Variants in SLC44A1 observed in about 807,000 individuals in gnomAD.
The protein encoded by SLC44A1 is choline transporter-like protein 1.
A neutral mutation model predicts 79.3 loss-of-function variants in SLC44A1; 26 were observed. The ratio of observed to expected loss-of-function variants is 0.33; its 90% CI spans 0.24 to 0.46. SLC44A1 has a LOEUF of 0.46. Ranked by LOEUF, SLC44A1 falls within the 20% of genes least tolerant of loss-of-function variation. SLC44A1 has a pLI of 1.00. For missense variants in SLC44A1, 688 were observed against 798.1 expected (o/e 0.86, Z 1.66); for synonymous variants, 263 against 286.2 (o/e 0.92, Z 0.82).
chr9:105,247,577 A>G (rs1737866842), intron 1 of SLC44A1, among the ~76,000 whole-genome samples: 1 of 152,218 alleles, frequency 6.6e-6, no homozygotes, highest in Non-Finnish European at 1.5e-5. Context: ...TATTACAGAC[A>G]TGAGCCACCG....
At chr9:105,412,189 TTTAA>T (rs1396241856) in intron 15 of SLC44A1, among the ~76,000 whole-genome samples, 10 of 152,246 alleles carry the variant, frequency 6.6e-5, no homozygotes, top group African/African-American at 9.6e-5. Flanking sequence ...TAAATAACGT[TTTAA>T]TTAGTCATCA....
intron 15 of SLC44A1, among the ~76,000 whole-genome samples, chr9:105,418,692 C>A (rs564179100): frequency 7.5e-4 from 114 of 152,304 alleles, no homozygotes; most frequent in African/African-American, 2.7e-3. Context: ...CAAAGCCAGG[C>A]CTTCCTGGCC....
At chr9:105,263,015 A>G (rs1829877409) in intron 1 of SLC44A1, among the ~76,000 whole-genome samples, 1 of 152,240 alleles carries the variant, frequency 6.6e-6, no homozygotes, top group Non-Finnish European at 1.5e-5. Context: ...CGAGTGCCTG[A>G]GCTTCTTCAC....
chr9:105,331,882 G>C (rs1048314580), intron 3 of SLC44A1, among the ~76,000 whole-genome samples: 1 of 152,132 alleles, frequency 6.6e-6, no homozygotes, highest in African/African-American at 2.4e-5. Flanking sequence ...AGGCCTCAAG[G>C]CCTCAGTTTT....
At chr9:105,422,083 A>G (rs916679079) in intron 15 of SLC44A1, among the ~76,000 whole-genome samples, 1 of 152,138 alleles carries the variant, frequency 6.6e-6, no homozygotes, top group African/African-American at 2.4e-5. Flanking sequence ...AGTGATGACA[A>G]TAAGGAAGTC....
rs555468634 is a variant in SLC44A1, at chr9:105,298,649, C to T, written c.37-571C>T. On this transcript the variant is annotated intron_variant, in intron 1 of 15. Transcript: ENST00000374720. ...ACAGATGTGAGCCACTGGGCCCGGC[C>T]TGAATAGGAATCCATTTTGATGGGC... is the stretch of plus-strand genomic sequence containing the variant. Among the ~76,000 whole-genome samples, 58 of 152,284 alleles carry T rather than the reference C, an allele frequency of 3.8e-4. No homozygotes were observed. The South Asian group carries it at 0.011, about 28-fold the overall frequency.
chr9:105,421,235 A>G (rs1829244951), intron 15 of SLC44A1, among the ~76,000 whole-genome samples: 1 of 152,194 alleles, frequency 6.6e-6, no homozygotes, highest in South Asian at 2.1e-4. Flanking sequence ...AATGGCATAC[A>G]TTGCTCCTGG....
rs186236493 is a variant in SLC44A1, at chr9:105,295,762, G to A, written c.37-3458G>A. Reference sequence around the variant, plus strand: ...GAGTCACAGACTTGGGGCGGGGAGTGGGGGGGAGGGCGCCAAAGACTGATT... The same window carrying A: ...GAGTCACAGACTTGGGGCGGGGAGTAGGGGGGAGGGCGCCAAAGACTGATT... On this transcript the variant is annotated intron_variant, in intron 1 of 15. Coordinates refer to ENST00000374720, the MANE Select transcript of SLC44A1 (RefSeq NM_080546.5). 4.6e-5 allele frequency among the ~76,000 whole-genome samples: 7 copies of A among 152,146 alleles called. No individual in the cohort carries two copies. In the South Asian group the frequency reaches 8.3e-4, roughly 18 times the overall value.
At chr9:105,409,955 A>G (rs1264903266) in intron 15 of SLC44A1, among the ~76,000 whole-genome samples, 1 of 152,236 alleles carries the variant, frequency 6.6e-6, no homozygotes, top group Non-Finnish European at 1.5e-5. Flanking sequence ...ATGTTAGGCC[A>G]CAAAACAAAT....
chr9:105,385,024 G>C (rs1279500557), intron 14 of SLC44A1, among the ~76,000 whole-genome samples: 1 of 152,194 alleles, frequency 6.6e-6, no homozygotes, highest in African/African-American at 2.4e-5. Context: ...TTTAAAAGTG[G>C]AGGCTTATGG....
chr9:105,282,837 C>T (rs1431490328), intron 1 of SLC44A1, among the ~76,000 whole-genome samples: 1 of 152,106 alleles, frequency 6.6e-6, no homozygotes, highest in Non-Finnish European at 1.5e-5. Flanking sequence ...TGAGCCACTG[C>T]GCCTGGCACG....
chr9:105,258,545 G>T (rs1307577189), intron 1 of SLC44A1, among the ~76,000 whole-genome samples: 1 of 152,212 alleles, frequency 6.6e-6, no homozygotes, highest in Non-Finnish European at 1.5e-5. Context: ...AAAACTGGGA[G>T]TAGTTCCAAG....
intron 2 of SLC44A1, among the ~76,000 whole-genome samples, chr9:105,309,491 TATG>T (rs1319859255): frequency 6.6e-6 from 1 of 152,160 alleles, no homozygotes; most frequent in East Asian, 1.9e-4. Context: ...AAGTTGACCT[TATG>T]ATGTAAAGGT....
At chr9:105,351,632 G>GAAAGAA (rs768336417) in intron 5 of SLC44A1, among the ~76,000 whole-genome samples, 89 of 101,292 alleles carry the variant, frequency 8.8e-4, no homozygotes, top group East Asian at 1.0e-3. Flanking sequence ...GAGAGAGAAA[G>GAAAGAA]AGAAAGAAAG....
At chr9:105,417,728 C>A (rs561164995) in intron 15 of SLC44A1, among the ~76,000 whole-genome samples, 2 of 150,226 alleles carry the variant, frequency 1.3e-5, no homozygotes, top group Admixed American at 6.8e-5. Flanking sequence ...AGCAGCCAGG[C>A]ATGGTGGCTT....
At chr9:105,284,462 T>G (rs1830430453) in intron 1 of SLC44A1, among the ~76,000 whole-genome samples, 2 of 152,156 alleles carry the variant, frequency 1.3e-5, no homozygotes, top group African/African-American at 2.4e-5. Flanking sequence ...TTTTTCTAAT[T>G]CAGATCTATT....
At chr9:105,300,437 T>C (rs1415853218) in intron 2 of SLC44A1, among the ~76,000 whole-genome samples, 1 of 152,212 alleles carries the variant, frequency 6.6e-6, no homozygotes, top group Non-Finnish European at 1.5e-5. Flanking sequence ...TCTTGCTCTT[T>C]GTCTCCTCTG....
chr9:105,389,865 G>A lies in SLC44A1; in HGVS notation c.*809G>A, dbSNP rs1828718537. On this transcript the variant is annotated 3_prime_UTR_variant, in exon 16 of 16. Transcript: ENST00000374720. ...ATTTGAAAGGAAGCTGGGGCACCCA[G>A]CGAGTTTAGCCTTTAAGTTTCTGTG... The A allele has an allele frequency of 2.0e-6, 3 of 1,481,772 alleles. No individual in the cohort carries two copies. Among genetic ancestry groups the A allele is most frequent in the Non-Finnish European group, 1.8e-6 (2 of 1,116,148 alleles). The allele number at this position is 1,481,772 out of a possible 1,614,324, so 91.8% of individuals were successfully genotyped here. A position where few individuals can be genotyped will look rare whatever the true frequency, so the allele number is the denominator to read the frequency against.
In SLC44A1 at chr9:105,364,734, GTTA is replaced by G; in HGVS notation, c.1253+18_1253+20del. ...CTATTTTACTAGGTAAGAATATGTT[GTTA>G]TTAGAAAACTCGAGTTCATCTAAGG... On this transcript the variant is annotated intron_variant, in intron 10 of 15. Coordinates refer to ENST00000374720, the MANE Select transcript of SLC44A1 (RefSeq NM_080546.5). 1 of 1,603,402 alleles carries G rather than the reference GTTA, an allele frequency of 6.2e-7. No homozygotes were observed. Among genetic ancestry groups the G allele is most frequent in the African/African-American group, 1.3e-5 (1 of 74,816 alleles).
Sources: gnomAD v4.1 joint callset for allele counts (sites outside exome capture counted in the v4.1 genomes callset) on GRCh38, gnomAD v4.1.1 for gene constraint, MANE v1.5 for transcripts, NCBI Gene and HGNC (gene_info 2026-07-23, HGNC 2026-07-21) for gene names.